The following NELL2 variants were observed in gnomAD, a reference collection of about 807,000 sequenced individuals.
NELL2 encodes the protein neural EGFL like 2, also known as protein kinase C-binding protein NELL2.
Under a neutral mutation model 109.6 loss-of-function variants are expected in NELL2, and 41 were observed. The observed-to-expected ratio is 0.37, with a 90% CI of 0.29 to 0.49. The LOEUF (loss-of-function observed/expected upper bound fraction) is 0.49, where lower values mean the gene tolerates loss of function less well. NELL2 is among the 20% of genes least tolerant of loss of function. The pLI is 0.98. For missense variants in NELL2, 900 were observed against 1,008.3 expected, an observed-to-expected ratio of 0.89 and a Z score of 1.45; for synonymous variants, 355 against 344.7, an observed-to-expected ratio of 1.03 and a Z score of -0.33.
chr12:44,665,701 C>T, intron 12 of NELL2, 92 bp from the exon 13 acceptor site: 1 of 1,331,114 alleles, frequency 7.5e-7, no homozygotes, highest in Non-Finnish European at 1.0e-6. Context: ...GAAGTATTTA[C>T]TAAATGAATA....
chr12:44,522,542 C>T, intron 17 of NELL2, among the ~76,000 whole-genome samples: 1 of 152,026 alleles, frequency 6.6e-6, no homozygotes, highest in Non-Finnish European at 1.5e-5. Flanking sequence ...TGTTTGAGGA[C>T]ATGTGTTTTA....
Position 44,875,329 on chromosome 12 carries a change from G to A in NELL2, c.80C>T (p.Ser27Phe). The A allele has an allele frequency of 6.2e-7, 1 of 1,614,152 alleles. No individual in the cohort carries two copies. Among genetic ancestry groups the A allele is most frequent in the Non-Finnish European group, 8.5e-7 (1 of 1,180,038 alleles). ...CTCTGTTAAGACGTCAATCTGTAGG[G>A]AAGGGTCCACACCAAGCCCCCAAAC... ...GAVWGLGVDP[S>F]LQIDVLTELE... is the part of the protein sequence containing the mutation. Residue 27 changes from serine (S) to phenylalanine (F), a missense_variant, in exon 2 of 20, where the codon TCC becomes TTC. Ser to Phe is a radical substitution (Grantham distance 155). Around this residue, in one of 4 missense-constraint regions of NELL2, gnomAD observed 200 missense variants for 191.8 expected, o/e 1.04. Coordinates refer to ENST00000429094, the MANE Select transcript of NELL2 (RefSeq NM_001145108.2).
chr12:44,611,277 T>C (rs1308821464), intron 13 of NELL2, among the ~76,000 whole-genome samples: 4 of 152,092 alleles, frequency 2.6e-5, no homozygotes, highest in South Asian at 2.1e-4. Flanking sequence ...GTCAGCTGTA[T>C]ACAGTTAATA....
chr12:44,577,917 A>T (rs1011010628), intron 15 of NELL2, among the ~76,000 whole-genome samples: 7 of 152,188 alleles, frequency 4.6e-5, no homozygotes, highest in African/African-American at 1.7e-4. Context: ...CCTAGATTAC[A>T]CCAAGTGGAG....
At chr12:44,744,701 A>G (rs1363478720) in intron 9 of NELL2, among the ~76,000 whole-genome samples, 5 of 152,252 alleles carry the variant, frequency 3.3e-5, no homozygotes, top group Non-Finnish European at 5.9e-5. Context: ...TAGAAAATCT[A>G]GAAGAAATGG....
At chr12:44,797,340 G>A (rs181425242) in intron 3 of NELL2, among the ~76,000 whole-genome samples, 1 of 152,224 alleles carries the variant, frequency 6.6e-6, no homozygotes, top group East Asian at 1.9e-4. Context: ...GCATACTGTT[G>A]TAAGGTTGGG....
chr12:44,750,758 T>C (rs1006814841), intron 9 of NELL2, among the ~76,000 whole-genome samples: 1 of 152,020 alleles, frequency 6.6e-6, no homozygotes, highest in African/African-American at 2.4e-5. Flanking sequence ...TCCAGAAATA[T>C]AAGTCTTGAT....
chr12:44,904,666 T>C (rs1566610520), intron 1 of NELL2, among the ~76,000 whole-genome samples: 1 of 152,162 alleles, frequency 6.6e-6, no homozygotes, highest in Non-Finnish European at 1.5e-5. Context: ...GATTGTTTGT[T>C]ATAGCAGTTA....
chr12:44,703,790 G>C lies in NELL2; in HGVS notation c.1254C>G (p.Asp418Glu). 6.2e-7 allele frequency: 1 copy of C among 1,613,326 alleles called. No individual in the cohort carries two copies. Among genetic ancestry groups the C allele is most frequent in the Non-Finnish European group, 8.5e-7 (1 of 1,179,550 alleles). The change falls in exon 12 of 20, where the codon GAC becomes GAG. Residue 418 changes from aspartate (D) to glutamate (E), a missense_variant. This residue lies in a region of NELL2 where 292 missense variants were observed against 265.3 expected (regional missense o/e 1.10). Transcript: ENST00000429094. ...MENSICRNLN[D>E]RAVCSCRDGF... is the part of the protein sequence containing the mutation. ...CATCTCGACAGCTACAAACAGCCCT[G>C]TCATTCAGATTTCTGCAGATGGAAT...
intron 12 of NELL2, among the ~76,000 whole-genome samples, chr12:44,683,379 A>T (rs1176089918): frequency 6.9e-6 from 1 of 144,280 alleles, no homozygotes; most frequent in Non-Finnish European, 1.5e-5. Flanking sequence ...GGACAATTTG[A>T]CTTCCTCTTT....
chr12:44,904,031 A>G (rs1167759786), intron 1 of NELL2, among the ~76,000 whole-genome samples: 1 of 152,060 alleles, frequency 6.6e-6, no homozygotes, highest in Non-Finnish European at 1.5e-5. Flanking sequence ...AACTTAAAAT[A>G]TAATAAAAAT....
At chr12:44,865,415 A>G (rs1370819253) in intron 2 of NELL2, among the ~76,000 whole-genome samples, 1 of 120,362 alleles carries the variant, frequency 8.3e-6, no homozygotes, top group Non-Finnish European at 1.8e-5. Flanking sequence ...AACCAACCCA[A>G]ATGTCCAACA....
intron 9 of NELL2, among the ~76,000 whole-genome samples, chr12:44,732,189 T>C (rs1162890429): frequency 6.6e-6 from 1 of 151,962 alleles, no homozygotes; most frequent in Non-Finnish European, 1.5e-5. Context: ...AAAATCCCAA[T>C]GTTACATTTT....
rs189488198 is a variant in NELL2 at position 44,678,889 on chromosome 12, G to T, written c.1319-13280C>A. On this transcript the variant is annotated intron_variant, in intron 12 of 19. Transcript: ENST00000429094. ...TGATGACAAGTCTAGATTGAAGTGG[G>T]TTAAGGAGAAAGTCTGAGATGAAGA... 8.0e-4 allele frequency among the ~76,000 whole-genome samples: 122 copies of T among 152,176 alleles called. 1 individual carries two copies. Among genetic ancestry groups the T allele is most frequent in the East Asian group, 5.8e-4 (3 of 5,176 alleles).
chr12:44,838,223 A>G (rs1468887077), intron 2 of NELL2, among the ~76,000 whole-genome samples: 2 of 152,202 alleles, frequency 1.3e-5, no homozygotes, highest in Non-Finnish European at 2.9e-5. Context: ...AATAAACCCC[A>G]ATGAGAAATA....
rs1941629337 is a variant in NELL2, at chr12:44,523,470, C to T, written c.1819G>A (p.Gly607Arg). Residue 607 changes from glycine to arginine, a missense_variant, in exon 17 of 20, where the codon GGG (glycine) becomes AGG (arginine). This residue lies in a region of NELL2 where 333 missense variants were observed against 432.3 expected (regional missense o/e 0.77). Coordinates refer to ENST00000429094, the MANE Select transcript of NELL2 (RefSeq NM_001145108.2). ...TTGGCACAGCTGTGCCTCCCGGTCC[C>T]ACACTCATCAATATCTATAGACAAG... ...GESCEDIDEC[G>R]TGRHSCANDT... The T allele has an allele frequency of 6.2e-7, 1 of 1,613,412 alleles. No individual in the cohort carries two copies. Among genetic ancestry groups the T allele is most frequent in the African/African-American group, 1.3e-5 (1 of 74,892 alleles).
chr12:44,899,636 C>T lies in NELL2; in HGVS notation c.38+14163G>A, dbSNP rs139675861. On this transcript the variant is annotated intron_variant, in intron 1 of 20. Coordinates refer to the NELL2 transcript ENST00000333837. ...AAACACTAAATATGGAAAGGAAAAA[C>T]TGGTACCAACCACTGCAGAAACATA... Among the ~76,000 whole-genome samples, 201 of 152,316 alleles carry T rather than the reference C, an allele frequency of 1.3e-3. 1 individual carries two copies. Among genetic ancestry groups the T allele is most frequent in the African/African-American group, 4.5e-3 (187 of 41,568 alleles).
intron 15 of NELL2, among the ~76,000 whole-genome samples, chr12:44,570,147 TTATA>T (rs2136194336): frequency 6.6e-6 from 1 of 152,308 alleles, no homozygotes; most frequent in Admixed American, 6.5e-5. Context: ...TAATACGGAA[TTATA>T]GTTCATTAAT....
chr12:44,518,318 C>T (rs1443249954), intron 19 of NELL2, among the ~76,000 whole-genome samples: 2 of 151,600 alleles, frequency 1.3e-5, no homozygotes, highest in African/African-American at 4.9e-5. Flanking sequence ...AATCTCAGCT[C>T]ACTGCAAGCT....
Sources: allele counts gnomAD v4.1 joint callset (sites outside exome capture counted in the v4.1 genomes callset), GRCh38; gene constraint gnomAD v4.1.1; regional missense constraint gnomAD v4.1.1; transcripts MANE v1.5; gene names NCBI Gene and HGNC (gene_info 2026-07-23, HGNC 2026-07-21).